ATRNL1: variants seen among roughly 807,000 people sequenced by gnomAD.
ATRNL1 encodes the protein attractin-like protein 1.
A neutral mutation model predicts 182.7 loss-of-function variants in ATRNL1; 95 were observed. That is an observed-to-expected ratio of 0.52 (90% CI 0.44 to 0.62). The LOEUF (loss-of-function observed/expected upper bound fraction) is 0.62, where lower values mean the gene tolerates loss of function less well. ATRNL1 is among the 20% of genes least tolerant of loss of function. ATRNL1 has a pLI of 0.00. For missense variants in ATRNL1, 1,471 were observed against 1,679.5 expected, an observed-to-expected ratio of 0.88 and a Z score of 2.17; for synonymous variants, 576 against 568.3, an observed-to-expected ratio of 1.01 and a Z score of -0.19.
chr10:115,589,182 TA>T (rs1212370083), intron 26 of ATRNL1, among the ~76,000 whole-genome samples: 1 of 152,210 alleles, frequency 6.6e-6, no homozygotes. Context: ...CGTATTCAGA[TA>T]TTTTTGAATA....
intron 26 of ATRNL1, among the ~76,000 whole-genome samples, chr10:115,669,779 T>C (rs1945638264): frequency 6.6e-6 from 1 of 152,130 alleles, no homozygotes; most frequent in Non-Finnish European, 1.5e-5. Flanking sequence ...TTCTACAACT[T>C]TGGTCAAATT....
chr10:115,417,266 G>A (rs927714258), intron 20 of ATRNL1, among the ~76,000 whole-genome samples: 2 of 152,178 alleles, frequency 1.3e-5, no homozygotes, highest in Admixed American at 6.5e-5. Flanking sequence ...ACTGATATCA[G>A]TCTCTGCAGT....
intron 28 of ATRNL1, 116 bp downstream of exon 28, chr10:115,848,107 A>T (rs941553216): frequency 1.4e-5 from 9 of 636,612 alleles, no homozygotes; most frequent in Non-Finnish European, 2.2e-5. Context: ...AATTTAGAGC[A>T]TGGTAAAATT....
chr10:115,652,034 A>C (rs962180825), intron 26 of ATRNL1, among the ~76,000 whole-genome samples: 2 of 152,136 alleles, frequency 1.3e-5, no homozygotes, highest in Admixed American at 1.3e-4. Flanking sequence ...CTATACATTA[A>C]ATGACCATTT....
chr10:115,114,842 A>G lies in ATRNL1; in HGVS notation c.294-5343A>G, dbSNP rs114653885. On this transcript the variant is annotated intron_variant, in intron 1 of 28. Transcript: ENST00000355044. ...AAAAAAATATGGAGGTTCATCAAAA[A>G]ACTGAAAATAGAATCACCATATGAT... Among the ~76,000 whole-genome samples the G allele has an allele frequency of 7.1e-3, 1,081 of 152,230 alleles. 13 individuals are homozygous for G. Among genetic ancestry groups the G allele is most frequent in the African/African-American group, 0.025 (1,040 of 41,562 alleles).
intron 27 of ATRNL1, among the ~76,000 whole-genome samples, chr10:115,740,837 CACACACACACACACACAA>C (rs531680400): frequency 0.45 from 29,689 of 65,510 alleles, 2,993 homozygotes; most frequent in Non-Finnish European, 0.53. Context: ...CACACACACA[CACACACACACACACACAA>C]ACACACACAC....
In ATRNL1 at chr10:115,917,475, A is replaced by AAG. The variant is rs1952900729; in HGVS notation, c.4019-27182_4019-27181insGA. ...ACAGAGCAAGACTCTGTCTCAAAAA[A>AAG]AAAAAAAAAAGAAAAAAAAAACGGG... is the stretch of plus-strand genomic sequence containing the variant. On this transcript the variant is annotated intron_variant, in intron 28 of 28. Transcript: ENST00000355044. 8.4e-4 allele frequency among the ~76,000 whole-genome samples: 10 copies of AAG among 11,924 alleles called. No homozygotes were observed. The Admixed American group carries it at 0.017, about 20-fold the overall frequency. The allele number at this position is 11,924 out of a possible 152,430, so 7.8% of individuals were successfully genotyped here. A position where few individuals can be genotyped will look rare whatever the true frequency, so the allele number is the denominator to read the frequency against.
At chr10:115,204,863 G>A (rs1173983903) in intron 8 of ATRNL1, among the ~76,000 whole-genome samples, 1 of 152,006 alleles carries the variant, frequency 6.6e-6, no homozygotes, top group East Asian at 1.9e-4. Context: ...TTCTTCTTTA[G>A]ATATTTGGCA....
chr10:115,370,744 A>T (rs1592542870), intron 19 of ATRNL1, among the ~76,000 whole-genome samples: 1 of 152,332 alleles, frequency 6.6e-6, no homozygotes, highest in South Asian at 2.1e-4. Flanking sequence ...AGAAAAGAAC[A>T]TCCCATTTTT....
chr10:115,439,694 C>T (rs1846574959), intron 21 of ATRNL1, among the ~76,000 whole-genome samples: 1 of 151,734 alleles, frequency 6.6e-6, no homozygotes. Context: ...CTATTCTGGA[C>T]TATCCTGGTA....
intron 9 of ATRNL1, among the ~76,000 whole-genome samples, chr10:115,227,141 A>G (rs1849733756): frequency 1.3e-5 from 2 of 152,172 alleles, no homozygotes; most frequent in South Asian, 4.1e-4. Flanking sequence ...CAGACAGCCT[A>G]CAAAATGGGA....
chr10:115,497,634 T>A (rs1028733821), intron 24 of ATRNL1, among the ~76,000 whole-genome samples: 1 of 151,796 alleles, frequency 6.6e-6, no homozygotes. Flanking sequence ...TCTTGTAAAG[T>A]CTCAGTGTAA....
At chr10:115,864,993 A>C (rs1194812779) in intron 28 of ATRNL1, among the ~76,000 whole-genome samples, 1 of 151,652 alleles carries the variant, frequency 6.6e-6, no homozygotes, top group Non-Finnish European at 1.5e-5. Context: ...AAAAAAAAAA[A>C]AAAGAAAAGA....
At chr10:115,729,947 A>G (rs188931831) in intron 27 of ATRNL1, among the ~76,000 whole-genome samples, 1 of 152,066 alleles carries the variant, frequency 6.6e-6, no homozygotes, top group East Asian at 1.9e-4. Flanking sequence ...TTACCTCTCT[A>G]AAAGATTTTT....
intron 18 of ATRNL1, among the ~76,000 whole-genome samples, chr10:115,318,349 CT>C (rs1490766671): frequency 4.2e-4 from 64 of 152,110 alleles, no homozygotes; most frequent in Admixed American, 4.1e-3. Context: ...CCAGAATTTT[CT>C]TTTTTTGTTG....
intron 17 of ATRNL1, among the ~76,000 whole-genome samples, chr10:115,310,778 T>A (rs1178042651): frequency 2.0e-5 from 3 of 152,192 alleles, no homozygotes; most frequent in African/African-American, 7.2e-5. Context: ...CTAGTTTTCA[T>A]TTCATTGGTC....
At chr10:115,471,478 C>A (rs1302436237) in intron 24 of ATRNL1, among the ~76,000 whole-genome samples, 3 of 150,968 alleles carry the variant, frequency 2.0e-5, no homozygotes, top group African/African-American at 7.3e-5. Context: ...GTAAGAATTT[C>A]CCTTGCTCCA....
At chr10:115,150,078 T>A (rs1312569475) in intron 5 of ATRNL1, among the ~76,000 whole-genome samples, 1 of 152,048 alleles carries the variant, frequency 6.6e-6, no homozygotes, top group Admixed American at 6.6e-5. Context: ...CTTAGTAGGA[T>A]GTATGTGTCT....
At chr10:115,610,460 T>A (rs79900497) in intron 26 of ATRNL1, among the ~76,000 whole-genome samples, 2,959 of 152,310 alleles carry the variant, frequency 0.019, 63 homozygotes, top group East Asian at 0.12. Flanking sequence ...ATCAAGAATT[T>A]TCATTTCTTG....
Sources: gnomAD v4.1 joint callset for allele counts (sites outside exome capture counted in the v4.1 genomes callset) on GRCh38, gnomAD v4.1.1 for gene constraint, MANE v1.5 for transcripts, NCBI Gene and HGNC (gene_info 2026-07-23, HGNC 2026-07-21) for gene names.